BCAS4: variants seen among roughly 807,000 people sequenced by gnomAD.
BCAS4 encodes the protein breast carcinoma-amplified sequence 4.
Under a neutral mutation model 15.7 loss-of-function variants are expected in BCAS4, and 9 were observed. The observed-to-expected ratio is 0.57, with a 90% CI of 0.34 to 1.00. The LOEUF is 1.00. Among genes scored for constraint, BCAS4 ranks in the 50% least tolerant of loss-of-function variants. BCAS4 has a pLI of 0.02. For missense variants in BCAS4, 225 were observed against 239.1 expected, an observed-to-expected ratio of 0.94 and a Z score of 0.39; for synonymous variants, 101 against 99.5, an observed-to-expected ratio of 1.02 and a Z score of -0.09.
intron 4 of BCAS4, among the ~76,000 whole-genome samples, chr20:50,861,321 C>G (rs568276825): frequency 6.6e-6 from 1 of 152,176 alleles, no homozygotes; most frequent in Admixed American, 6.5e-5. Flanking sequence ...GAAGCAGGCT[C>G]GGGATCTCAT....
At position 50,826,686 on chromosome 20, in the gene BCAS4, A is replaced by G. The variant is rs147205202; in HGVS notation, c.163-3593A>G. Among the ~76,000 whole-genome samples the G allele has an allele frequency of 2.0e-3, 308 of 152,260 alleles. 3 individuals carry two copies. Among genetic ancestry groups the G allele is most frequent in the African/African-American group, 7.2e-3 (298 of 41,548 alleles). On this transcript the variant is annotated intron_variant, in intron 2 of 4. Coordinates refer to ENST00000371608, the MANE Select transcript of BCAS4 (RefSeq NM_198799.4). ...TCACCATGGTACATTTGTCAGTACT[A>G]AGGGGCCAGGCACAATGGCTGACGC... is the stretch of plus-strand genomic sequence containing the variant.
At chr20:50,816,720 G>A (rs1011132377) in intron 1 of BCAS4, among the ~76,000 whole-genome samples, 16 of 150,886 alleles carry the variant, frequency 1.1e-4, no homozygotes, top group South Asian at 2.1e-4. Flanking sequence ...GCAGTGGTGC[G>A]ATCACTGCTT....
At chr20:50,809,754 A>G (rs1177593336) in intron 1 of BCAS4, among the ~76,000 whole-genome samples, 2 of 152,008 alleles carry the variant, frequency 1.3e-5, no homozygotes, top group African/African-American at 4.8e-5. Context: ...ATATGTTTCC[A>G]TTTGTTTGTG....
At chr20:50,849,626 G>A (rs1030519734) in intron 4 of BCAS4, among the ~76,000 whole-genome samples, 2 of 152,202 alleles carry the variant, frequency 1.3e-5, no homozygotes, top group African/African-American at 4.8e-5. Flanking sequence ...GGACTGTGGC[G>A]AATTGCAGAC....
At chr20:50,818,811 A>C (rs2088174492) in intron 2 of BCAS4, among the ~76,000 whole-genome samples, 1 of 152,130 alleles carries the variant, frequency 6.6e-6, no homozygotes, top group African/African-American at 2.4e-5. Context: ...GTTGGCCCAA[A>C]TCTACTAGCC....
chr20:50,800,556 T>TC lies in BCAS4; in HGVS notation c.90+5386dup, dbSNP rs1415352310. 5.7e-3 allele frequency among the ~76,000 whole-genome samples: 773 copies of TC among 136,154 alleles called. 6 individuals are homozygous for TC. Among genetic ancestry groups the TC allele is most frequent in the African/African-American group, 0.021 (737 of 34,554 alleles). 89.3% of individuals were successfully genotyped at this position (136,154 alleles called of 152,430 possible). A position where few individuals can be genotyped will look rare whatever the true frequency, so the allele number is the denominator to read the frequency against. ...GCCACCCCTCTTTCTGGTTTGAACA[T>TC]CCCTTTTTTTTTTTTTTTTTTTTTG... is the stretch of plus-strand genomic sequence containing the variant. On this transcript the variant is annotated intron_variant, in intron 1 of 4. Transcript: ENST00000371608.
chr20:50,842,432 T>G (rs1355012177), intron 4 of BCAS4, among the ~76,000 whole-genome samples: 2 of 152,200 alleles, frequency 1.3e-5, no homozygotes, highest in Admixed American at 1.3e-4. Context: ...TTTGTCTTGT[T>G]TTGAAATGGG....
chr20:50,864,730 A>G (rs2123841391), intron 4 of BCAS4, among the ~76,000 whole-genome samples: 1 of 152,098 alleles, frequency 6.6e-6, no homozygotes, highest in African/African-American at 2.4e-5. Context: ...ACCATTTAAC[A>G]GCAATTGTTG....
intron 3 of BCAS4, among the ~76,000 whole-genome samples, chr20:50,835,845 G>C (rs1347729787): frequency 1.3e-5 from 2 of 152,260 alleles, no homozygotes; most frequent in Admixed American, 6.5e-5. Flanking sequence ...CCATTAAAAG[G>C]GGGGAGTCCT....
At chr20:50,850,662 A>G (rs1163221911) in intron 4 of BCAS4, among the ~76,000 whole-genome samples, 2 of 152,096 alleles carry the variant, frequency 1.3e-5, no homozygotes, top group African/African-American at 4.8e-5. Context: ...AAGCACCCCA[A>G]CTTTGCCCTT....
chr20:50,801,526 A>C (rs1269750474), intron 1 of BCAS4, among the ~76,000 whole-genome samples: 1 of 152,164 alleles, frequency 6.6e-6, no homozygotes, highest in Non-Finnish European at 1.5e-5. Context: ...TTTTGTTTTG[A>C]GATGGGGTCT....
intron 4 of BCAS4, among the ~76,000 whole-genome samples, chr20:50,875,492 C>T (rs1426419581): frequency 3.3e-5 from 5 of 150,314 alleles, no homozygotes; most frequent in South Asian, 4.2e-4. Context: ...TGGCCGGGCG[C>T]GGTGGCTCAC....
chr20:50,833,696 C>T (rs911763876), intron 3 of BCAS4, among the ~76,000 whole-genome samples: 5 of 152,188 alleles, frequency 3.3e-5, no homozygotes, highest in South Asian at 2.1e-4. Context: ...ATGGGAGTTA[C>T]GGTGGTGAGG....
At chr20:50,841,120 G>A (rs867498212) in intron 3 of BCAS4, among the ~76,000 whole-genome samples, 4 of 152,268 alleles carry the variant, frequency 2.6e-5, no homozygotes, top group Admixed American at 6.5e-5. Flanking sequence ...GTGAGCCACC[G>A]CACCCCTTTT....
In BCAS4 at chr20:50,874,296, C is replaced by T. The variant is rs571375650; in HGVS notation, c.400-2190C>T. Reference sequence around the variant, plus strand: ...CCGCAGCCCCCACACTCCACCCACTCAGCACAGGCTGTTCCCTCGGCCTGG... The same window carrying T: ...CCGCAGCCCCCACACTCCACCCACTTAGCACAGGCTGTTCCCTCGGCCTGG... On this transcript the variant is annotated intron_variant, in intron 4 of 4. Transcript: ENST00000371608. Among the ~76,000 whole-genome samples, 31 of 152,306 alleles carry T rather than the reference C, an allele frequency of 2.0e-4. 2 individuals carry two copies. In the South Asian group the frequency reaches 6.2e-3, roughly 31 times the overall value.
chr20:50,855,314 A>G (rs1978697816), intron 4 of BCAS4, among the ~76,000 whole-genome samples: 1 of 151,774 alleles, frequency 6.6e-6, no homozygotes, highest in Non-Finnish European at 1.5e-5. Context: ...CACTGCCTGG[A>G]TCCATGTCTC....
intron 4 of BCAS4, among the ~76,000 whole-genome samples, chr20:50,854,182 A>G (rs992399944): frequency 3.9e-5 from 6 of 152,220 alleles, no homozygotes; most frequent in African/African-American, 1.4e-4. Context: ...CTGGAGCCAA[A>G]CAGTCCCGGG....
intron 3 of BCAS4, among the ~76,000 whole-genome samples, chr20:50,831,946 T>C (rs1156873181): frequency 1.3e-5 from 2 of 152,236 alleles, no homozygotes; most frequent in Non-Finnish European, 2.9e-5. Flanking sequence ...ACTTTGCCCT[T>C]GGAATAGCTG....
At chr20:50,840,510 T>A (rs760657069) in intron 3 of BCAS4, 1 of 1,335,738 alleles carries the variant, frequency 7.5e-7, no homozygotes, top group Admixed American at 1.7e-5. Context: ...TCATTTAAAC[T>A]TGATCCAACC....
Sources: gnomAD v4.1 joint callset for allele counts (sites outside exome capture counted in the v4.1 genomes callset) on GRCh38, gnomAD v4.1.1 for gene constraint, MANE v1.5 for transcripts, NCBI Gene and HGNC (gene_info 2026-07-23, HGNC 2026-07-21) for gene names.